CELF2: variants seen among roughly 807,000 people sequenced by gnomAD.
The protein encoded by CELF2 is CUGBP Elav-like family member 2.
CELF2 carries 8 observed loss-of-function variants against 62.6 expected under a neutral mutation model. That is an observed-to-expected ratio of 0.13 (90% CI 0.07 to 0.23). The LOEUF is 0.23. Ranked by LOEUF, CELF2 falls within the 10% of genes least tolerant of loss-of-function variation. CELF2 has a pLI of 1.00. For synonymous variants in CELF2, 258 were observed against 250.0 expected (o/e 1.03, Z -0.30); for missense variants, 333 against 671.0 (o/e 0.50, Z 5.56).
At chr10:10,985,097 C>T (rs889178384) in intron 2 of CELF2, among the ~76,000 whole-genome samples, 6 of 152,238 alleles carry the variant, frequency 3.9e-5, no homozygotes, top group East Asian at 1.9e-4. Context: ...AGGAAAATTT[C>T]GTTCTATGTA....
rs113874929 is a variant in CELF2 at position 11,103,518 on chromosome 10, C to A, written c.75-61968C>A. On this transcript the variant is annotated intron_variant, in intron 1 of 12. Coordinates refer to ENST00000633077, the MANE Select transcript of CELF2 (RefSeq NM_001326342.2). ...TTTTTTTTTTTTTTTACTGTGAACTCTGAAACCAGGTTATTTGACTTCTCT... is the reference window on the plus strand; with the variant it reads ...TTTTTTTTTTTTTTTACTGTGAACTATGAAACCAGGTTATTTGACTTCTCT... Among the ~76,000 whole-genome samples, 275 of 112,146 alleles carry A rather than the reference C, an allele frequency of 2.5e-3. 1 individual carries two copies. Among genetic ancestry groups the A allele is most frequent in the African/African-American group, 7.0e-3 (163 of 23,382 alleles). 73.6% of individuals were successfully genotyped at this position (112,146 alleles called of 152,430 possible).
chr10:10,471,673 T>C, the CELF2 span, among the ~76,000 whole-genome samples: 1 of 151,788 alleles, frequency 6.6e-6, no homozygotes, highest in African/African-American at 2.4e-5. Flanking sequence ...AAGTTGTCTT[T>C]GCTTTAAACA....
At chr10:11,166,204 T>TG (rs2067123046) in intron 2 of CELF2, among the ~76,000 whole-genome samples, 1 of 152,204 alleles carries the variant, frequency 6.6e-6, no homozygotes, top group South Asian at 2.1e-4. Context: ...CACCCATTCC[T>TG]GGGGGTCAGG....
the CELF2 span, among the ~76,000 whole-genome samples, chr10:10,714,082 G>T: frequency 6.6e-6 from 1 of 152,044 alleles, no homozygotes; most frequent in Non-Finnish European, 1.5e-5. Flanking sequence ...GACTTTGAGA[G>T]CAATAAGACC....
intron 1 of CELF2, among the ~76,000 whole-genome samples, chr10:11,054,477 G>C (rs926255543): frequency 3.0e-5 from 3 of 99,810 alleles, no homozygotes; most frequent in African/African-American, 1.5e-4. Flanking sequence ...GAAAACAACT[G>C]TGTATGTGTG....
the CELF2 span, among the ~76,000 whole-genome samples, chr10:10,538,147 G>T: frequency 3.9e-5 from 6 of 152,112 alleles, no homozygotes; most frequent in African/African-American, 1.2e-4. Flanking sequence ...TGCTAGTAGG[G>T]GTGCCCTGAC....
chr10:10,778,807 C>T, the CELF2 span, among the ~76,000 whole-genome samples: 2 of 152,144 alleles, frequency 1.3e-5, no homozygotes, highest in African/African-American at 4.8e-5. Flanking sequence ...CAGTGGGTTG[C>T]AGTCCAGGTA....
At chr10:11,274,912 C>T in intron 7 of CELF2, 145 bp from the exon 8 acceptor site, 1 of 711,166 alleles carries the variant, frequency 1.4e-6, no homozygotes, top group Non-Finnish European at 2.5e-6. Flanking sequence ...GGATTTACAG[C>T]CCCAGCTCTG....
Position 11,224,009 on chromosome 10 carries a change from C to T in CELF2, c.354+6502C>T, listed in dbSNP as rs115833244. 2.7e-3 allele frequency among the ~76,000 whole-genome samples: 405 copies of T among 152,296 alleles called. 3 individuals are homozygous for T. Among genetic ancestry groups the T allele is most frequent in the African/African-American group, 8.6e-3 (359 of 41,530 alleles). ...AGTAATGTTGATGGGCAGTTATTTA[C>T]GTACGGCTTTGATTAAAATAAAAAA... On this transcript the variant is annotated intron_variant, in intron 3 of 12. Transcript: ENST00000633077. The surrounding 1 kb of genome is among the most constrained non-coding windows in gnomAD (Gnocchi z 4.5).
chr10:10,568,933 C>A, the CELF2 span, among the ~76,000 whole-genome samples: 1 of 152,090 alleles, frequency 6.6e-6, no homozygotes, highest in Non-Finnish European at 1.5e-5. Flanking sequence ...CTTCTAGTTA[C>A]AATATTGTAA....
intron 2 of CELF2, among the ~76,000 whole-genome samples, chr10:11,198,364 C>T (rs1470594516): frequency 2.0e-5 from 3 of 152,292 alleles, no homozygotes; most frequent in Admixed American, 6.5e-5. Flanking sequence ...GAAGGGAAAA[C>T]ATGGGTTGTG....
intron 1 of CELF2, among the ~76,000 whole-genome samples, chr10:11,113,380 G>T (rs1046945276): frequency 6.6e-6 from 1 of 152,104 alleles, no homozygotes; most frequent in East Asian, 1.9e-4. Flanking sequence ...TGGGGAATTG[G>T]GGGCACCGAA....
chr10:11,187,930 G>T (rs1040699782), intron 2 of CELF2, among the ~76,000 whole-genome samples: 125 of 151,966 alleles, frequency 8.2e-4, no homozygotes, highest in Non-Finnish European at 1.6e-3. Flanking sequence ...TAATACTTCC[G>T]TGCTCCGTTC....
chr10:10,936,203 G>A lies in CELF2; in HGVS notation c.89+16204G>A, dbSNP rs1453317995. 6.6e-6 allele frequency among the ~76,000 whole-genome samples: 1 copy of A among 151,874 alleles called. No homozygotes were observed. The highest frequency in any genetic ancestry group is 1.5e-5 in the Non-Finnish European group (1 of 67,940). Reference sequence around the variant, plus strand: ...AAATAATAAAGAGAGAGAAAAGAAAGAAACAATAAGTCTTGCAGAGGTTAG... The same window carrying A: ...AAATAATAAAGAGAGAGAAAAGAAAAAAACAATAAGTCTTGCAGAGGTTAG... On this transcript the variant is annotated intron_variant, in intron 2 of 13. Transcript: ENST00000636488. The surrounding 1 kb of genome is among the most constrained non-coding windows in gnomAD (Gnocchi z 4.0).
intron 1 of CELF2, among the ~76,000 whole-genome samples, chr10:11,149,572 AG>A (rs1169643870): frequency 1.3e-5 from 2 of 152,146 alleles, no homozygotes; most frequent in African/African-American, 4.8e-5. Flanking sequence ...AGTAAACCCG[AG>A]GCTTTGCGCC....
chr10:10,906,620 T>C (rs2063356489), intron 1 of CELF2, among the ~76,000 whole-genome samples: 1 of 152,094 alleles, frequency 6.6e-6, no homozygotes, highest in Admixed American at 6.5e-5. Flanking sequence ...GTTTTGATGC[T>C]ATAAAAATAT....
intron 1 of CELF2, among the ~76,000 whole-genome samples, chr10:11,049,696 A>T (rs1174162742): frequency 6.6e-6 from 1 of 152,056 alleles, no homozygotes; most frequent in South Asian, 2.1e-4. Context: ...CCATAGAGAT[A>T]TGGTTACTCA....
the CELF2 span, among the ~76,000 whole-genome samples, chr10:10,512,540 C>T: frequency 1.3e-5 from 2 of 151,676 alleles, no homozygotes; most frequent in East Asian, 3.9e-4. Context: ...CTGCCTCAGC[C>T]TCCTGAGATT....
At chr10:10,846,101 G>C in intron 1 of CELF2, 2 of 985,242 alleles carry the variant, frequency 2.0e-6, no homozygotes, top group Non-Finnish European at 2.4e-6. Flanking sequence ...CGCTCCCAGA[G>C]TTCAAGCAGG....
Sources: gnomAD v4.1 joint callset for allele counts (sites outside exome capture counted in the v4.1 genomes callset) on GRCh38, gnomAD v4.1.1 for gene constraint, Gnocchi (gnomAD v3.1) non-coding constraint, MANE v1.5 for transcripts, NCBI Gene and HGNC (gene_info 2026-07-23, HGNC 2026-07-21) for gene names.